TRDMT1: variants seen among roughly 807,000 people sequenced by gnomAD.
TRDMT1 encodes tRNA (cytosine(38)-C(5))-methyltransferase.
TRDMT1 carries 49 observed loss-of-function variants against 51.2 expected under a neutral mutation model. That is an observed-to-expected ratio of 0.96 (90% CI 0.76 to 1.21). The LOEUF is 1.21. Among genes scored for constraint, TRDMT1 ranks in the 50% most tolerant of loss-of-function variants. The pLI is 0.00. For synonymous variants in TRDMT1, 187 were observed against 164.6 expected, an observed-to-expected ratio of 1.14 and a Z score of -1.04; for missense variants, 534 against 462.3, an observed-to-expected ratio of 1.16 and a Z score of -1.42.
intron 1 of TRDMT1, among the ~76,000 whole-genome samples, chr10:17,186,117 AAC>A (rs1311077112): frequency 6.6e-6 from 1 of 152,098 alleles, no homozygotes; most frequent in Non-Finnish European, 1.5e-5. Context: ...AGCATCAATT[AAC>A]AGTCAATATT....
At chr10:17,171,220 G>C (rs563154876) in intron 2 of TRDMT1, among the ~76,000 whole-genome samples, 3 of 151,884 alleles carry the variant, frequency 2.0e-5, no homozygotes, top group African/African-American at 7.3e-5. Context: ...CCTTCATTCC[G>C]AGGTGTCCTT....
In TRDMT1 at chr10:17,140,461, TG is replaced by T. The variant is rs1343804556; in HGVS notation, c.*8578del. ...CATACTCATATCTAAGTCAGTTAATTGGACAATTATTTATTAGGTACCCACT... is the reference window on the plus strand; with the variant it reads ...CATACTCATATCTAAGTCAGTTAATTGACAATTATTTATTAGGTACCCACT... On this transcript the variant is annotated 3_prime_UTR_variant, in exon 11 of 11. Coordinates refer to ENST00000377799, the MANE Select transcript of TRDMT1 (RefSeq NM_004412.7). 1.3e-5 allele frequency among the ~76,000 whole-genome samples: 2 copies of T among 152,130 alleles called. No homozygotes were observed. Among genetic ancestry groups the T allele is most frequent in the Non-Finnish European group, 2.9e-5 (2 of 68,018 alleles).
chr10:17,157,461 C>T lies in TRDMT1; in HGVS notation c.867G>A (p.Arg289=), dbSNP rs373441421. The T allele has an allele frequency of 1.3e-5, 21 of 1,607,740 alleles. No homozygotes were observed. The highest frequency in any genetic ancestry group is 1.8e-5 in the Non-Finnish European group (21 of 1,174,878). Residue 289 remains arginine, a synonymous_variant, in exon 8 of 11, where the codon AGG becomes AGA. Coordinates refer to ENST00000377799, the MANE Select transcript of TRDMT1 (RefSeq NM_004412.7). ...CCTACCCTTTGGTAAAGCACACGGA[C>T]CTTCTACAAGTGGGCTGAACAATGT... ...LLDIVQPTCR[R]SVCFTKGYGS...
In TRDMT1 at chr10:17,174,650, T is replaced by C. The variant is rs1842422968; in HGVS notation, c.75A>G (p.Ile25Met). Residue 25 changes from isoleucine to methionine, a missense_variant, in exon 2 of 11, where the codon ATA becomes ATG. By Grantham distance (10) the Ile-to-Met change is conservative. Transcript: ENST00000377799. ...GMHHALRESC[I>M]PAQVVAAIDV... ...CAATGGCAGCCACCACTTGTGCAGG[T>C]ATACAGCTTTCTGTAATGATAAATG... 1.2e-6 allele frequency: 2 copies of C among 1,612,812 alleles called. No individual in the cohort carries two copies. Among genetic ancestry groups the C allele is most frequent in the Admixed American group, 1.7e-5 (1 of 59,968 alleles).
At chr10:17,165,967 T>A (rs1841147517) in intron 3 of TRDMT1, among the ~76,000 whole-genome samples, 1 of 152,134 alleles carries the variant, frequency 6.6e-6, no homozygotes, top group African/African-American at 2.4e-5. Flanking sequence ...GTGTGGGGAT[T>A]CCTCAGGGAT....
chr10:17,167,523 A>T (rs1325975460), intron 3 of TRDMT1, among the ~76,000 whole-genome samples: 2 of 152,314 alleles, frequency 1.3e-5, no homozygotes, highest in South Asian at 2.1e-4. Flanking sequence ...TGCTATTTTC[A>T]TTTAAAATAA....
intron 1 of TRDMT1, among the ~76,000 whole-genome samples, chr10:17,193,655 A>C (rs751117024): frequency 6.6e-6 from 1 of 152,230 alleles, no homozygotes; most frequent in Non-Finnish European, 1.5e-5. Flanking sequence ...AAGAGACATC[A>C]TACAGGTGAC....
At chr10:17,153,963 CA>C (rs1430475322) in intron 9 of TRDMT1, among the ~76,000 whole-genome samples, 1 of 152,058 alleles carries the variant, frequency 6.6e-6, no homozygotes, top group East Asian at 1.9e-4. Flanking sequence ...AGAAGCTTGA[CA>C]AAACAACAAA....
At chr10:17,186,346 TTA>T (rs1194104281) in intron 1 of TRDMT1, among the ~76,000 whole-genome samples, 5 of 152,102 alleles carry the variant, frequency 3.3e-5, no homozygotes, top group Admixed American at 6.5e-5. Context: ...TTATCCTGAA[TTA>T]TGCACGTGGG....
At chr10:17,189,829 G>T (rs1295815727) in intron 1 of TRDMT1, among the ~76,000 whole-genome samples, 1 of 152,116 alleles carries the variant, frequency 6.6e-6, no homozygotes, top group African/African-American at 2.4e-5. Context: ...GAAGGCATCT[G>T]CCAAAGTCTA....
intron 1 of TRDMT1, among the ~76,000 whole-genome samples, chr10:17,199,899 T>C (rs1034042483): frequency 6.6e-6 from 1 of 152,156 alleles, no homozygotes; most frequent in Admixed American, 6.5e-5. Flanking sequence ...AGAGAAAATA[T>C]TTTACTCTTT....
At position 17,138,423 on chromosome 10, in the gene TRDMT1, T is replaced by C. The variant is rs551186406; in HGVS notation, c.*10617A>G. ...TATAACATTGTTCCAATTCTTTCAT[T>C]TTCCATGAAGGATTACATAAAATAA... On this transcript the variant is annotated 3_prime_UTR_variant, in exon 11 of 11. Coordinates refer to ENST00000377799, the MANE Select transcript of TRDMT1 (RefSeq NM_004412.7). 6.6e-6 allele frequency among the ~76,000 whole-genome samples: 1 copy of C among 152,318 alleles called. No homozygotes were observed. Among genetic ancestry groups the C allele is most frequent in the Admixed American group, 6.5e-5 (1 of 15,298 alleles).
intron 2 of TRDMT1, among the ~76,000 whole-genome samples, chr10:17,174,263 G>A (rs1454462624): frequency 2.0e-5 from 3 of 151,962 alleles, no homozygotes; most frequent in South Asian, 2.1e-4. Context: ...ATACTTTTTC[G>A]AAGTTCAATA....
In TRDMT1 at chr10:17,137,413, G is replaced by A. The variant is rs1564530063; in HGVS notation, c.*11627C>T. 2 of 152,208 alleles carry A rather than the reference G, an allele frequency of 1.3e-5. No homozygotes were observed. Among genetic ancestry groups the A allele is most frequent in the African/African-American group, 2.4e-5 (1 of 41,444 alleles). 9.4% of individuals were successfully genotyped at this position (152,208 alleles called of 1,614,324 possible). A position where few individuals can be genotyped will look rare whatever the true frequency, so the allele number is the denominator to read the frequency against. ...TAATGTACAAATCTGGAGAGCCAGA[G>A]TTAGGCAACATTACAAAGACAAGTG... On this transcript the variant is annotated 3_prime_UTR_variant, in exon 11 of 11. Coordinates refer to ENST00000377799, the MANE Select transcript of TRDMT1 (RefSeq NM_004412.7).
Position 17,143,356 on chromosome 10 carries a change from C to T in TRDMT1, c.*5684G>A. The T allele has an allele frequency of 2.7e-5, 27 of 985,410 alleles. No homozygotes were observed. The highest frequency in any genetic ancestry group is 3.3e-5 in the Non-Finnish European group (27 of 829,916). The allele number at this position is 985,410 out of a possible 1,614,324, so 61.0% of individuals were successfully genotyped here. ...CATTCTCTAAAACATGAAACATTTT[C>T]CATTTTTAAAACTCAGATCGTAACA... On this transcript the variant is annotated 3_prime_UTR_variant, in exon 11 of 11. Transcript: ENST00000377799.
chr10:17,156,761 C>T (rs1234146687), intron 8 of TRDMT1, among the ~76,000 whole-genome samples: 1 of 151,922 alleles, frequency 6.6e-6, no homozygotes, highest in East Asian at 1.9e-4. Flanking sequence ...AAAAAAGGGG[C>T]ATATATATAA....
intron 1 of TRDMT1, among the ~76,000 whole-genome samples, chr10:17,175,833 A>G (rs1479186454): frequency 2.0e-5 from 3 of 152,166 alleles, no homozygotes; most frequent in African/African-American, 7.2e-5. Flanking sequence ...GAGGCCAGGA[A>G]GAAAAGAAAG....
intron 10 of TRDMT1, chr10:17,150,709 C>T (rs1838580693): frequency 1.0e-6 from 1 of 984,664 alleles, no homozygotes; most frequent in Non-Finnish European, 1.2e-6. Flanking sequence ...GAATTAGTTA[C>T]AATAAAGTTG....
At chr10:17,167,615 T>C (rs7900228) in intron 3 of TRDMT1, among the ~76,000 whole-genome samples, 20,883 of 152,156 alleles carry the variant, frequency 0.14, 1,528 homozygotes, top group Admixed American at 0.17. Context: ...CTGAAACATA[T>C]AGCCAAATAT....
Sources: allele counts gnomAD v4.1 joint callset (sites outside exome capture counted in the v4.1 genomes callset), GRCh38; gene constraint gnomAD v4.1.1; transcripts MANE v1.5; gene names NCBI Gene and HGNC (gene_info 2026-07-23, HGNC 2026-07-21).